Variants in F8 observed in about 807,000 individuals in gnomAD.
F8 encodes the protein coagulation factor VIII.
Under a neutral mutation model 140.6 loss-of-function variants are expected in F8, and 12 were observed. That is an observed-to-expected ratio of 0.09 (90% confidence interval 0.05 to 0.14). The LOEUF (loss-of-function observed/expected upper bound fraction) is 0.14, where lower values mean the gene tolerates loss of function less well. Among genes scored for constraint, F8 ranks in the 10% least tolerant of loss-of-function variants. The pLI is 1.00. For synonymous variants in F8, 585 were observed against 614.6 expected (o/e 0.95, Z 0.71); for missense variants, 1,354 against 1,720.7 (o/e 0.79, Z 3.77).
intron 13 of F8, among the ~76,000 whole-genome samples, chrX:154,939,450 T>C (rs1461341774): frequency 8.9e-6 from 1 of 112,355 alleles, no homozygotes; most frequent in Non-Finnish European, 1.9e-5. Flanking sequence ...AACTGCAAGG[T>C]GGCAGCAAGG....
At position 155,000,610 on chromosome X, in the gene F8, G is replaced by A. The variant is rs28370198; in HGVS notation, c.144-1010C>T. The stretch of plus-strand genomic sequence containing the variant: ...TCCTGCCCTGGAAAAAAGCTTTCAT[G>A]TGTAGATCTAAAATTGAGCATTTGC... On this transcript the variant is annotated intron_variant, in intron 1 of 25. Coordinates refer to ENST00000360256, the MANE Select transcript of F8 (RefSeq NM_000132.4). 7.8e-3 allele frequency among the ~76,000 whole-genome samples: 870 copies of A among 112,088 alleles called. 10 individuals carry two copies. Among genetic ancestry groups the A allele is most frequent in the African/African-American group, 0.026 (796 of 30,877 alleles).
At chrX:155,017,403 T>C (rs782594486) in intron 1 of F8, among the ~76,000 whole-genome samples, 1 of 112,544 alleles carries the variant, frequency 8.9e-6, no homozygotes, top group South Asian at 3.7e-4. Context: ...TTGATGTAGT[T>C]TGTTACACAG....
chrX:155,013,095 G>A (rs1374782113), intron 1 of F8, among the ~76,000 whole-genome samples: 6 of 94,053 alleles, frequency 6.4e-5, no homozygotes, highest in South Asian at 5.4e-4. Context: ...GCAGTGAGCC[G>A]AGATCGCACC....
chrX:154,970,646 C>T (rs1244911542), intron 6 of F8, among the ~76,000 whole-genome samples: 1 of 111,630 alleles, frequency 9.0e-6, no homozygotes, highest in Non-Finnish European at 1.9e-5. Flanking sequence ...AGACTCTCTA[C>T]TAAGGACTAG....
chrX:154,868,866 T>C (rs782664926), intron 22 of F8, among the ~76,000 whole-genome samples: 1 of 106,054 alleles, frequency 9.4e-6, no homozygotes, highest in African/African-American at 3.5e-5. Context: ...ACCAAGCAAA[T>C]GGAAAGCAAA....
intron 13 of F8, among the ~76,000 whole-genome samples, chrX:154,938,146 T>A (rs1442613088): frequency 1.8e-5 from 2 of 111,143 alleles, no homozygotes; most frequent in East Asian, 5.5e-4. Context: ...TCCTTATTTG[T>A]TTTTTTGCTT....
chrX:154,991,248 C>T (rs1210499814), intron 4 of F8, among the ~76,000 whole-genome samples: 1 of 111,924 alleles, frequency 8.9e-6, no homozygotes, highest in East Asian at 2.8e-4. Context: ...CTTTCTCACT[C>T]CTTGAAACCC....
intron 13 of F8, among the ~76,000 whole-genome samples, chrX:154,938,637 T>C (rs1212880193): frequency 2.7e-5 from 3 of 110,948 alleles, no homozygotes; most frequent in Non-Finnish European, 5.7e-5. Context: ...CTATTAACCA[T>C]AATGCACCCT....
chrX:154,916,668 T>A (rs2073099228), intron 14 of F8, among the ~76,000 whole-genome samples: 1 of 111,600 alleles, frequency 9.0e-6, no homozygotes, highest in Admixed American at 9.5e-5. Flanking sequence ...TTGATTTCAA[T>A]TATTTGGGTC....
rs1603431475 is a variant in F8, at chrX:154,860,426, G to A, written c.6900+6C>T. Reference sequence around the variant, plus strand: ...TCTTTCTTTCTTTCCAAGGAGACCAGCTTACCTTTACTTTGCCATTCTGAA... The same window carrying A: ...TCTTTCTTTCTTTCCAAGGAGACCAACTTACCTTTACTTTGCCATTCTGAA... On this transcript the variant is annotated splice_donor_region_variant and intron_variant, in intron 25 of 25. Transcript: ENST00000360256. 8.3e-7 allele frequency: 1 copy of A among 1,209,064 alleles called. No homozygotes were observed. Among genetic ancestry groups the A allele is most frequent in the Non-Finnish European group, 1.1e-6 (1 of 893,440 alleles).
At chrX:154,963,381 G>A (rs5986900) in intron 9 of F8, among the ~76,000 whole-genome samples, 1,143 of 111,876 alleles carry the variant, frequency 0.01, 15 homozygotes, top group African/African-American at 0.036. Context: ...ATCTGCAAAC[G>A]GGGACATTTT....
intron 25 of F8, among the ~76,000 whole-genome samples, chrX:154,844,834 T>C (rs2072551165): frequency 9.1e-6 from 1 of 110,048 alleles, no homozygotes; most frequent in Admixed American, 9.6e-5. Context: ...CTATGTTGAA[T>C]AGGAGTGGTG....
In F8 at chrX:154,944,848, G is replaced by C. The variant is rs1557280167; in HGVS notation, c.2113+2850C>G. 3.6e-5 allele frequency among the ~76,000 whole-genome samples: 4 copies of C among 111,689 alleles called. No homozygotes were observed. In the East Asian group the frequency reaches 1.1e-3, roughly 31 times the overall value. ...TGGAATACTATGCCGCCATAAAAAT[G>C]ATGAGTTCATGTCCTTTGTAGGGAC... On this transcript the variant is annotated intron_variant, in intron 13 of 25. Transcript: ENST00000360256.
At chrX:155,008,481 G>T (rs782512851) in intron 1 of F8, among the ~76,000 whole-genome samples, 5 of 111,710 alleles carry the variant, frequency 4.5e-5, no homozygotes, top group Non-Finnish European at 9.5e-5. Context: ...AGGGGCTGGG[G>T]GTGCCATCAC....
chrX:154,874,789 C>T (rs1458329718), intron 22 of F8, among the ~76,000 whole-genome samples: 1 of 112,043 alleles, frequency 8.9e-6, no homozygotes, highest in Admixed American at 9.5e-5. Flanking sequence ...TGAAAAACAG[C>T]ATAGAGGTTC....
intron 6 of F8, among the ~76,000 whole-genome samples, chrX:154,979,812 C>T (rs2073508279): frequency 8.9e-6 from 1 of 111,872 alleles, no homozygotes; most frequent in African/African-American, 3.3e-5. Context: ...TGGTGCTGTG[C>T]TGCAGCTGCT....
intron 1 of F8, among the ~76,000 whole-genome samples, chrX:155,004,176 G>A (rs1422944683): frequency 9.0e-6 from 1 of 110,799 alleles, no homozygotes; most frequent in Non-Finnish European, 1.9e-5. Flanking sequence ...AGAGTGCACT[G>A]ACATATTTAA....
intron 14 of F8, chrX:154,919,191 C>A (rs782310369): frequency 1.8e-5 from 2 of 111,814 alleles, no homozygotes; most frequent in Non-Finnish European, 3.8e-5. Context: ...TATATCTTAA[C>A]GCTCATAAAA....
chrX:154,865,789 G>A (rs28835013), intron 22 of F8, among the ~76,000 whole-genome samples: 56,961 of 104,488 alleles, frequency 0.55, 13,837 homozygotes, highest in African/African-American at 0.91. Flanking sequence ...AAGAAAAAGA[G>A]GAAAGGAACA....
Sources: allele counts gnomAD v4.1 joint callset (sites outside exome capture counted in the v4.1 genomes callset), GRCh38; gene constraint gnomAD v4.1.1; transcripts MANE v1.5; gene names NCBI Gene and HGNC (gene_info 2026-07-23, HGNC 2026-07-21).